MIPEP: variants seen among roughly 807,000 people sequenced by gnomAD.
The protein encoded by MIPEP is mitochondrial intermediate peptidase.
MIPEP carries 79 observed loss-of-function variants against 90.3 expected under a neutral mutation model. The ratio of observed to expected loss-of-function variants is 0.87; its 90% CI spans 0.73 to 1.05. MIPEP has a LOEUF of 1.05. MIPEP is among the 50% of genes least tolerant of loss of function. The probability of loss-of-function intolerance (pLI) is 0.00; values close to 1 mark genes in which losing one functional copy is unlikely to be tolerated. For missense variants in MIPEP, 940 were observed against 905.6 expected (o/e 1.04, Z -0.49); for synonymous variants, 334 against 315.8 (o/e 1.06, Z -0.61).
At chr13:23,773,241 G>A (rs1952672593) in intron 16 of MIPEP, among the ~76,000 whole-genome samples, 1 of 152,084 alleles carries the variant, frequency 6.6e-6, no homozygotes, top group African/African-American at 2.4e-5. Context: ...GAGGTTTTTT[G>A]TGTCTAGTTT....
At chr13:23,817,360 T>A (rs573993918) in intron 14 of MIPEP, among the ~76,000 whole-genome samples, 1 of 152,304 alleles carries the variant, frequency 6.6e-6, no homozygotes, top group South Asian at 2.1e-4. Context: ...AGCTGAGCAC[T>A]GTCTCAAGCA....
chr13:23,883,137 G>GC (rs1871336433), intron 2 of MIPEP, among the ~76,000 whole-genome samples: 1 of 151,842 alleles, frequency 6.6e-6, no homozygotes, highest in African/African-American at 2.4e-5. Flanking sequence ...AATCTTACTG[G>GC]CAGGTAATAT....
At chr13:23,753,548 ACTT>A (rs1259475369) in intron 18 of MIPEP, among the ~76,000 whole-genome samples, 3 of 152,206 alleles carry the variant, frequency 2.0e-5, no homozygotes, top group African/African-American at 7.2e-5. Flanking sequence ...GTAATGGAAA[ACTT>A]CTGAATAAAT....
intron 16 of MIPEP, among the ~76,000 whole-genome samples, chr13:23,804,911 G>A (rs909427999): frequency 2.0e-5 from 3 of 152,212 alleles, no homozygotes; most frequent in African/African-American, 7.2e-5. Context: ...AACTAGGCTA[G>A]AAGGACATCG....
intron 18 of MIPEP, among the ~76,000 whole-genome samples, chr13:23,743,965 T>G (rs1952358228): frequency 6.6e-6 from 1 of 152,256 alleles, no homozygotes; most frequent in Non-Finnish European, 1.5e-5. Flanking sequence ...TTTACTTGGC[T>G]ATTATTCTGG....
intron 18 of MIPEP, among the ~76,000 whole-genome samples, chr13:23,752,857 C>A (rs564022183): frequency 7.9e-5 from 12 of 152,184 alleles, no homozygotes; most frequent in Non-Finnish European, 1.8e-4. Flanking sequence ...TACTGTCAAT[C>A]TGCAAAGCTA....
At chr13:23,734,815 A>G (rs546186577) in intron 18 of MIPEP, among the ~76,000 whole-genome samples, 8 of 151,984 alleles carry the variant, frequency 5.3e-5, no homozygotes, top group African/African-American at 1.9e-4. Context: ...CACAGGGGGG[A>G]ATGTTGTAGG....
At chr13:23,807,014 AACT>A (rs1953119019) in intron 15 of MIPEP, among the ~76,000 whole-genome samples, 1 of 152,136 alleles carries the variant, frequency 6.6e-6, no homozygotes, top group Non-Finnish European at 1.5e-5. Context: ...GAGAGGTTGG[AACT>A]AGACTCCCAC....
intron 10 of MIPEP, among the ~76,000 whole-genome samples, chr13:23,849,346 G>A (rs1388498914): frequency 6.6e-6 from 1 of 152,190 alleles, no homozygotes; most frequent in Non-Finnish European, 1.5e-5. Context: ...TGAGGATTTG[G>A]CTTCAGTGCC....
intron 4 of MIPEP, among the ~76,000 whole-genome samples, chr13:23,877,314 C>T (rs1341171905): frequency 6.6e-6 from 1 of 152,118 alleles, no homozygotes; most frequent in Non-Finnish European, 1.5e-5. Flanking sequence ...TGCATGCTTC[C>T]TAGGTGTTGT....
intron 12 of MIPEP, among the ~76,000 whole-genome samples, chr13:23,838,586 C>T (rs1029133488): frequency 3.9e-5 from 6 of 152,140 alleles, no homozygotes; most frequent in Non-Finnish European, 7.3e-5. Flanking sequence ...CCACAACAAC[C>T]CTATGTAGCA....
At chr13:23,805,532 A>G (rs1276020842) in intron 16 of MIPEP, among the ~76,000 whole-genome samples, 1 of 152,180 alleles carries the variant, frequency 6.6e-6, no homozygotes, top group East Asian at 1.9e-4. Context: ...ACTCAACAAG[A>G]TAAGATATGT....
chr13:23,783,830 A>C (rs1457258753), intron 16 of MIPEP, among the ~76,000 whole-genome samples: 1 of 152,216 alleles, frequency 6.6e-6, no homozygotes, highest in African/African-American at 2.4e-5. Flanking sequence ...GAGCCAAATC[A>C]TGAGTGAACT....
At chr13:23,775,884 A>G (rs940982063) in intron 16 of MIPEP, among the ~76,000 whole-genome samples, 9 of 152,232 alleles carry the variant, frequency 5.9e-5, no homozygotes, top group African/African-American at 2.4e-5. Flanking sequence ...TGAAACAACT[A>G]AACTCTGGAT....
intron 14 of MIPEP, among the ~76,000 whole-genome samples, chr13:23,821,416 C>T (rs558729832): frequency 6.6e-6 from 1 of 152,198 alleles, no homozygotes; most frequent in Non-Finnish European, 1.5e-5. Context: ...TAGAATCCCA[C>T]CAAGTCCAAA....
At chr13:23,846,826 AATGATGATG>A (rs10549277) in intron 10 of MIPEP, among the ~76,000 whole-genome samples, 17 of 144,470 alleles carry the variant, frequency 1.2e-4, no homozygotes, top group African/African-American at 1.7e-4. Context: ...ATCACTACCA[AATGATGATG>A]ATGATGATGA....
At chr13:23,738,522 TC>T (rs1363775998) in intron 18 of MIPEP, among the ~76,000 whole-genome samples, 1 of 151,402 alleles carries the variant, frequency 6.6e-6, no homozygotes, top group Non-Finnish European at 1.5e-5. Flanking sequence ...CAATCTCGGC[TC>T]ACTGAAGTCT....
intron 9 of MIPEP, among the ~76,000 whole-genome samples, chr13:23,861,317 T>C (rs1387295934): frequency 6.6e-6 from 1 of 152,228 alleles, no homozygotes; most frequent in East Asian, 1.9e-4. Context: ...TTTTGTTTTT[T>C]ATTTTTCTGT....
At chr13:23,784,039 T>C (rs1406143589) in intron 16 of MIPEP, among the ~76,000 whole-genome samples, 1 of 152,070 alleles carries the variant, frequency 6.6e-6, no homozygotes, top group Non-Finnish European at 1.5e-5. Context: ...AGATAATTTA[T>C]AGATTCCCCA....
Sources: gnomAD v4.1 joint callset for allele counts (sites outside exome capture counted in the v4.1 genomes callset) on GRCh38, gnomAD v4.1.1 for gene constraint, MANE v1.5 for transcripts, NCBI Gene and HGNC (gene_info 2026-07-23, HGNC 2026-07-21) for gene names.